Variants in COL21A1 observed in about 807,000 individuals in gnomAD.
The protein encoded by COL21A1 is collagen type XXI alpha 1 chain.
Under a neutral mutation model 137.9 loss-of-function variants are expected in COL21A1, and 149 were observed. The ratio of observed to expected loss-of-function variants is 1.08; its 90% CI spans 0.95 to 1.24. The LOEUF (loss-of-function observed/expected upper bound fraction) is 1.24, where lower values mean the gene tolerates loss of function less well. COL21A1 is among the 50% of genes most tolerant of loss of function. COL21A1 has a pLI of 0.00. For missense variants in COL21A1, 1,167 were observed against 1,158.4 expected (o/e 1.01, Z -0.11); for synonymous variants, 456 against 391.5 (o/e 1.16, Z -1.95).
intron 10 of COL21A1, among the ~76,000 whole-genome samples, chr6:56,143,451 C>A (rs971627748): frequency 6.6e-6 from 1 of 152,034 alleles, no homozygotes; most frequent in Non-Finnish European, 1.5e-5. Flanking sequence ...CCACCCTCCT[C>A]GGCCTCCCAA....
rs1484540176 is a variant in COL21A1 at position 56,179,731 on chromosome 6, T to A, written c.487A>T (p.Ile163Leu). 6 of 1,613,864 alleles carry A rather than the reference T, an allele frequency of 3.7e-6. No homozygotes were observed. In the African/African-American group the frequency reaches 4.0e-5, roughly 11 times the overall value. Residue 163 changes from isoleucine (I) to leucine (L), a missense_variant, in exon 3 of 30, where the codon ATA (isoleucine) becomes TTA (leucine). By Grantham distance (5) the Ile-to-Leu change is conservative. Coordinates refer to ENST00000244728, the MANE Select transcript of COL21A1 (RefSeq NM_030820.4). Reference protein sequence around the residue: ...DAAQAARDSKITLFAIGVGSE... With the variant: ...DAAQAARDSKLTLFAIGVGSE... Reference sequence around the variant, plus strand: ...CCAACACCAATAGCAAATAATGTTATCTTACTATCTCTTGCTGCTTGAGCT... The same window carrying A: ...CCAACACCAATAGCAAATAATGTTAACTTACTATCTCTTGCTGCTTGAGCT...
intron 1 of COL21A1, among the ~76,000 whole-genome samples, chr6:56,320,346 A>G (rs1764834472): frequency 6.6e-6 from 1 of 151,952 alleles, no homozygotes; most frequent in South Asian, 2.1e-4. Flanking sequence ...GCCTCCTCAG[A>G]GCCCTCTCTG....
chr6:56,290,499 A>ATTTT (rs1268560590), intron 1 of COL21A1, among the ~76,000 whole-genome samples: 1 of 139,954 alleles, frequency 7.1e-6, no homozygotes, highest in Non-Finnish European at 1.5e-5. Flanking sequence ...CACTTAGGAG[A>ATTTT]TTTTTTTTTT....
intron 1 of COL21A1, among the ~76,000 whole-genome samples, chr6:56,237,328 C>T (rs2223598): frequency 0.57 from 86,217 of 151,788 alleles, 24,729 homozygotes; most frequent in East Asian, 0.77. Context: ...ATTGGCAATA[C>T]AAAAACAATG....
At chr6:56,131,223 T>A (rs1248427152) in intron 12 of COL21A1, among the ~76,000 whole-genome samples, 2 of 151,974 alleles carry the variant, frequency 1.3e-5, no homozygotes, top group Non-Finnish European at 2.9e-5. Context: ...GCCTTGCTTG[T>A]AATAACTTGC....
chr6:56,080,948 G>T (rs1317698394), intron 17 of COL21A1, among the ~76,000 whole-genome samples: 2 of 151,800 alleles, frequency 1.3e-5, no homozygotes, highest in Admixed American at 1.3e-4. Flanking sequence ...GCTGGAGTCA[G>T]CCAGCCCATG....
chr6:56,262,499 G>C (rs755015290), intron 1 of COL21A1, among the ~76,000 whole-genome samples: 6 of 152,108 alleles, frequency 3.9e-5, no homozygotes, highest in Non-Finnish European at 7.4e-5. Context: ...ACAATCCCCA[G>C]GAATCAGGAG....
Position 56,260,653 on chromosome 6 carries a change from A to AGAGAG in COL21A1, c.-38-77998_-38-77997insCTCTC, listed in dbSNP as rs1562028875. ...GAAGGAAGGAAGGAAGGAAGGAAGG[A>AGAGAG]AGGAATGAAGGAAGGAAGGAAGGAA... On this transcript the variant is annotated intron_variant, in intron 1 of 28. Transcript: ENST00000370819. 3.5e-3 allele frequency among the ~76,000 whole-genome samples: 150 copies of AGAGAG among 42,268 alleles called. 5 individuals are homozygous for AGAGAG. The Middle Eastern group carries it at 0.037, about 10-fold the overall frequency. 27.7% of individuals were successfully genotyped at this position (42,268 alleles called of 152,430 possible). A position where few individuals can be genotyped will look rare whatever the true frequency, so the allele number is the denominator to read the frequency against.
rs537377262 is a variant in COL21A1, at chr6:56,379,967, T to C, written c.-39+14004A>G. On this transcript the variant is annotated intron_variant, in intron 1 of 28. Coordinates refer to the COL21A1 transcript ENST00000370819. Reference sequence around the variant, plus strand: ...ATTTTGAGATCTGTCTATTCATTACTGATATACTTTGAGTGTTTGTCCCCT... The same window carrying C: ...ATTTTGAGATCTGTCTATTCATTACCGATATACTTTGAGTGTTTGTCCCCT... Among the ~76,000 whole-genome samples the C allele has an allele frequency of 1.5e-3, 234 of 152,344 alleles. 2 individuals carry two copies. The highest frequency in any genetic ancestry group is 5.5e-3 in the African/African-American group (227 of 41,572).
At position 56,120,796 on chromosome 6, in the gene COL21A1, AT is replaced by A. The variant is rs1331684759; in HGVS notation, c.1758+3265del. 1.5e-4 allele frequency among the ~76,000 whole-genome samples: 12 copies of A among 82,186 alleles called. No homozygotes were observed. The East Asian group carries it at 1.9e-3, about 13-fold the overall frequency. The allele number at this position is 82,186 out of a possible 152,430, so 53.9% of individuals were successfully genotyped here. On this transcript the variant is annotated intron_variant, in intron 16 of 29. Coordinates refer to ENST00000244728, the MANE Select transcript of COL21A1 (RefSeq NM_030820.4). Reference sequence around the variant, plus strand: ...GCAACAAGAGCAAAACTCTGTCTCAATTTAAAAAAAAAAAAAAAAAACTAAA... The same window carrying A: ...GCAACAAGAGCAAAACTCTGTCTCAATTAAAAAAAAAAAAAAAAAACTAAA...
At chr6:56,303,639 C>G (rs4712124) in intron 1 of COL21A1, among the ~76,000 whole-genome samples, 128,362 of 152,142 alleles carry the variant, frequency 0.84, 56,134 homozygotes, top group South Asian at 0.97. Flanking sequence ...GGGCTGAGAC[C>G]ACGGGGTTTT....
chr6:56,206,001 A>G (rs573797226), intron 1 of COL21A1, among the ~76,000 whole-genome samples: 30 of 152,312 alleles, frequency 2.0e-4, no homozygotes, highest in Admixed American at 1.6e-3. Context: ...CATGGAGAGG[A>G]AAAACTGGTA....
At chr6:56,394,092 C>G (rs2094035389) in exon 1 of COL21A1, 1 of 152,264 alleles carries the variant, frequency 6.6e-6, no homozygotes, top group African/African-American at 2.4e-5. Context: ...TTGGCCAGAA[C>G]CAGGGGTGTG....
At chr6:56,160,696 A>G (rs1776133347) in intron 9 of COL21A1, among the ~76,000 whole-genome samples, 1 of 152,178 alleles carries the variant, frequency 6.6e-6, no homozygotes, top group Non-Finnish European at 1.5e-5. Flanking sequence ...GTGCCACAGG[A>G]TTTTTAAGTT....
intron 10 of COL21A1, 22 bp from the exon 11 acceptor site, chr6:56,142,005 A>C (rs1395048901): frequency 6.8e-7 from 1 of 1,466,620 alleles, no homozygotes; most frequent in African/African-American, 1.4e-5. Flanking sequence ...TTTAAAAAGA[A>C]AAAAAATAAT....
chr6:56,091,951 A>T (rs1452116055), intron 17 of COL21A1, among the ~76,000 whole-genome samples: 2 of 152,178 alleles, frequency 1.3e-5, no homozygotes, highest in Non-Finnish European at 2.9e-5. Flanking sequence ...GCTGCCCAAG[A>T]TAAAATCAGA....
intron 1 of COL21A1, among the ~76,000 whole-genome samples, chr6:56,300,505 A>C (rs1313203915): frequency 6.6e-6 from 1 of 152,130 alleles, no homozygotes; most frequent in African/African-American, 2.4e-5. Context: ...CATTCATTGG[A>C]TATAAATGTT....
Position 56,200,243 on chromosome 6 carries a change from G to GT in COL21A1, c.-38-17588dup, listed in dbSNP as rs1370907600. 2.6e-5 allele frequency among the ~76,000 whole-genome samples: 4 copies of GT among 152,250 alleles called. No homozygotes were observed. In the East Asian group the frequency reaches 7.7e-4, roughly 29 times the overall value. On this transcript the variant is annotated intron_variant, in intron 1 of 29. Transcript: ENST00000244728. ...CAAGCATTATGTTCAGTTTAGAATT[G>GT]TTTTTCCTAAATGCGAAGTGTGTCT...
At chr6:56,085,704 A>T (rs1356816927) in intron 17 of COL21A1, among the ~76,000 whole-genome samples, 1 of 151,998 alleles carries the variant, frequency 6.6e-6, no homozygotes, top group South Asian at 2.1e-4. Context: ...TGCAGTTGCC[A>T]TTAAAAATCT....
Sources: allele counts gnomAD v4.1 joint callset (sites outside exome capture counted in the v4.1 genomes callset), GRCh38; gene constraint gnomAD v4.1.1; transcripts MANE v1.5; gene names NCBI Gene and HGNC (gene_info 2026-07-23, HGNC 2026-07-21).